Variants in WDR75 observed in about 807,000 individuals in gnomAD.
The protein encoded by WDR75 is WD repeat-containing protein 75.
In WDR75, 52 loss-of-function variants were observed where a neutral mutation model predicts 106.1. The observed-to-expected ratio is 0.49, with a 90% CI of 0.39 to 0.62. The LOEUF is 0.62. WDR75 is among the 20% of genes least tolerant of loss of function. WDR75 has a pLI of 0.00. For missense variants in WDR75, 905 were observed against 970.3 expected, an observed-to-expected ratio of 0.93 and a Z score of 0.89; for synonymous variants, 333 against 335.5, an observed-to-expected ratio of 0.99 and a Z score of 0.08.
At chr2:189,462,125 T>G (rs1358291760) in intron 8 of WDR75, among the ~76,000 whole-genome samples, 1 of 152,030 alleles carries the variant, frequency 6.6e-6, no homozygotes, top group South Asian at 2.1e-4. Flanking sequence ...AATTTTCATC[T>G]GTCGTGAAAT....
Position 189,443,100 on chromosome 2 carries a change from T to C in WDR75, c.86+1522T>C, listed in dbSNP as rs114592504. Among the ~76,000 whole-genome samples, 611 of 152,334 alleles carry C rather than the reference T, an allele frequency of 4.0e-3. 7 individuals carry two copies. The highest frequency in any genetic ancestry group is 0.014 in the African/African-American group (571 of 41,580). On this transcript the variant is annotated intron_variant, in intron 1 of 20. Transcript: ENST00000314761. ...GACAAAAACTAAGATAATTTTAATA[T>C]TGATCCTGCCTTCGAGGAGCTTACA...
chr2:189,469,415 T>C lies in WDR75; in HGVS notation c.1795T>C (p.Ser599Pro), dbSNP rs773690910. Residue 599 changes from serine to proline, a missense_variant, in exon 16 of 21, where the codon TCT (serine) becomes CCT (proline). Transcript: ENST00000314761. ...DPNSENIAAI[S>P]QSSVGSDLFV... is the part of the protein sequence containing the mutation. ...TAATTCAGAGAATATTGCTGCAATCTCTCAGTCTTCAGTGGGTTCAGACTG... is the reference window on the plus strand; with the variant it reads ...TAATTCAGAGAATATTGCTGCAATCCCTCAGTCTTCAGTGGGTTCAGACTG... The C allele has an allele frequency of 8.1e-6, 13 of 1,613,392 alleles. No individual in the cohort carries two copies. The South Asian group carries it at 1.1e-4, about 14-fold the overall frequency.
At position 189,470,923 on chromosome 2, in the gene WDR75, G is replaced by T. The variant is rs114650425; in HGVS notation, c.2049+45G>T. The T allele has an allele frequency of 3.8e-3, 5,381 of 1,432,206 alleles. 178 individuals carry two copies. In the African/African-American group the frequency reaches 0.071, roughly 19 times the overall value. The allele number at this position is 1,432,206 out of a possible 1,614,324, so 88.7% of individuals were successfully genotyped here. On this transcript the variant is annotated intron_variant, in intron 18 of 20. Coordinates refer to ENST00000314761, the MANE Select transcript of WDR75 (RefSeq NM_032168.3). ...AGCAGGATGTATTGCCTCCCTAAAA[G>T]GATACAATTACCTTTTAGAAGTCAA...
At chr2:189,460,305 G>C (rs966736979) in intron 8 of WDR75, among the ~76,000 whole-genome samples, 1 of 152,166 alleles carries the variant, frequency 6.6e-6, no homozygotes, top group Admixed American at 6.6e-5. Flanking sequence ...TATCCTTAGA[G>C]TCTTACTTGG....
chr2:189,455,201 A>C (rs1686707099), intron 4 of WDR75, 119 bp from the exon 5 acceptor site: 4 of 1,233,184 alleles, frequency 3.2e-6, no homozygotes, highest in Non-Finnish European at 4.3e-6. Flanking sequence ...AGATCACGCC[A>C]CTGCACTCCA....
chr2:189,450,075 A>G, intron 2 of WDR75: 3 of 970,478 alleles, frequency 3.1e-6, no homozygotes, highest in South Asian at 4.8e-5. Context: ...GTCCTAAACC[A>G]TTAGTTACCA....
intron 5 of WDR75, among the ~76,000 whole-genome samples, chr2:189,455,864 C>G (rs770291632): frequency 1.3e-5 from 2 of 152,054 alleles, no homozygotes; most frequent in African/African-American, 2.4e-5. Flanking sequence ...TAACTTTTCC[C>G]GAAAAGAATT....
At position 189,455,562 on chromosome 2, in the gene WDR75, T is replaced by C; in HGVS notation, c.498+118T>C. ...TTCCCTTGAATTACTATATTTGTAT[T>C]AGTAACTAAGAAGCCTCTTCATTGC... On this transcript the variant is annotated intron_variant, in intron 5 of 20. Transcript: ENST00000314761. 4 of 1,322,580 alleles carry C rather than the reference T, an allele frequency of 3.0e-6. No individual in the cohort carries two copies. The South Asian group carries it at 6.0e-5, about 20-fold the overall frequency. 81.9% of individuals were successfully genotyped at this position (1,322,580 alleles called of 1,614,324 possible).
chr2:189,455,194 T>C (rs1449491705), intron 4 of WDR75, 126 bp from the exon 5 acceptor site: 9 of 1,144,690 alleles, frequency 7.9e-6, no homozygotes, highest in Non-Finnish European at 1.1e-5. Context: ...TGAGCCGAGA[T>C]CACGCCACTG....
intron 17 of WDR75, among the ~76,000 whole-genome samples, chr2:189,470,539 T>C (rs904232881): frequency 6.6e-6 from 1 of 152,162 alleles, no homozygotes. Flanking sequence ...TTTTCTTTTT[T>C]TTTTCAGTGT....
intron 1 of WDR75, among the ~76,000 whole-genome samples, chr2:189,444,017 T>C (rs974379930): frequency 6.6e-6 from 1 of 152,146 alleles, no homozygotes; most frequent in African/African-American, 2.4e-5. Context: ...AAGGTACCTG[T>C]AAAACAACCA....
At position 189,475,469 on chromosome 2, in the gene WDR75, A is replaced by T. The variant is rs772833139; in HGVS notation, c.*52A>T. The T allele has an allele frequency of 6.6e-6, 7 of 1,062,448 alleles. No homozygotes were observed. Among genetic ancestry groups the T allele is most frequent in the Non-Finnish European group, 6.8e-6 (5 of 731,958 alleles). The allele number at this position is 1,062,448 out of a possible 1,614,324, so 65.8% of individuals were successfully genotyped here. A position where few individuals can be genotyped will look rare whatever the true frequency, so the allele number is the denominator to read the frequency against. ...ACTTTGTGTTTTTGATTGTATGTTG[A>T]TATTCTAAAAACATCTATTTTAATG... On this transcript the variant is annotated 3_prime_UTR_variant, in exon 21 of 21. Transcript: ENST00000314761.
chr2:189,474,574 G>A lies in WDR75; in HGVS notation c.2197-143G>A, dbSNP rs567937120. On this transcript the variant is annotated intron_variant, in intron 19 of 20. Transcript: ENST00000314761. ...GAAGGTAGAAATGTATTTTTCTTTG[G>A]TTTGGCTTTTGTATAGGGAAAGCCT... is the stretch of plus-strand genomic sequence containing the variant. The A allele has an allele frequency of 6.9e-6, 6 of 871,028 alleles. No individual in the cohort carries two copies. The African/African-American group carries it at 1.0e-4, about 15-fold the overall frequency. 54.0% of individuals were successfully genotyped at this position (871,028 alleles called of 1,614,324 possible). A position where few individuals can be genotyped will look rare whatever the true frequency, so the allele number is the denominator to read the frequency against.
At chr2:189,461,899 A>T (rs1558986181) in intron 8 of WDR75, among the ~76,000 whole-genome samples, 1 of 152,208 alleles carries the variant, frequency 6.6e-6, no homozygotes, top group East Asian at 1.9e-4. Context: ...GGTCCCATCC[A>T]TTCCTGAGTT....
Position 189,459,877 on chromosome 2 carries a change from T to C in WDR75, c.778+453T>C, listed in dbSNP as rs536899898. Among the ~76,000 whole-genome samples, 4 of 152,304 alleles carry C rather than the reference T, an allele frequency of 2.6e-5. No individual in the cohort carries two copies. In the East Asian group the frequency reaches 7.7e-4, roughly 29 times the overall value. On this transcript the variant is annotated intron_variant, in intron 8 of 20. Transcript: ENST00000314761. ...GATAATTAACTTGCCTAACATGACA[T>C]GGTGGGTAGGTGGGTTTGGACCTGG...
At chr2:189,451,113 C>G (rs1553485129) in intron 3 of WDR75, 145 bp downstream of exon 3, 1 of 1,116,676 alleles carries the variant, frequency 9.0e-7, no homozygotes, top group Non-Finnish European at 1.2e-6. Context: ...ATTAATTTGA[C>G]TATATAAAAA....
chr2:189,459,242 G>A (rs1343675423), intron 7 of WDR75, 94 bp from the exon 8 acceptor site: 4 of 889,966 alleles, frequency 4.5e-6, no homozygotes, highest in Non-Finnish European at 5.2e-6. Flanking sequence ...GATTTAGTAT[G>A]TTTGGTATAT....
In WDR75 at chr2:189,465,269, G is replaced by A; in HGVS notation, c.1289+15G>A. ...AAAACACAAGGGTAATACTATCTGTGTAGCCACTTAATTTCAAAGTATAAA... is the reference window on the plus strand; with the variant it reads ...AAAACACAAGGGTAATACTATCTGTATAGCCACTTAATTTCAAAGTATAAA... On this transcript the variant is annotated intron_variant, in intron 12 of 20. Coordinates refer to ENST00000314761, the MANE Select transcript of WDR75 (RefSeq NM_032168.3). 2 of 1,565,928 alleles carry A rather than the reference G, an allele frequency of 1.3e-6. No individual in the cohort carries two copies. Among genetic ancestry groups the A allele is most frequent in the Non-Finnish European group, 1.7e-6 (2 of 1,154,710 alleles).
At chr2:189,446,569 T>G (rs1052451009) in intron 1 of WDR75, among the ~76,000 whole-genome samples, 5 of 152,174 alleles carry the variant, frequency 3.3e-5, no homozygotes, top group African/African-American at 1.2e-4. Flanking sequence ...TTCAAAGAGA[T>G]GAACAAGTGA....
Sources: allele counts gnomAD v4.1 joint callset (sites outside exome capture counted in the v4.1 genomes callset), GRCh38; gene constraint gnomAD v4.1.1; transcripts MANE v1.5; gene names NCBI Gene and HGNC (gene_info 2026-07-23, HGNC 2026-07-21).